Variants in LPAR1 observed in about 807,000 individuals in gnomAD.
The protein encoded by LPAR1 is lysophosphatidic acid receptor 1.
Under a neutral mutation model 23.8 loss-of-function variants are expected in LPAR1, and 5 were observed. The ratio of observed to expected loss-of-function variants is 0.21; its 90% CI spans 0.11 to 0.44. LPAR1 has a LOEUF of 0.44. LPAR1 is among the 20% of genes least tolerant of loss of function. The pLI is 0.99. For missense variants in LPAR1, 311 were observed against 482.8 expected, an observed-to-expected ratio of 0.64 and a Z score of 3.33; for synonymous variants, 160 against 164.7, an observed-to-expected ratio of 0.97 and a Z score of 0.22.
intron 5 of LPAR1, among the ~76,000 whole-genome samples, chr9:110,940,485 C>T (rs1209217157): frequency 2.0e-5 from 3 of 151,820 alleles, no homozygotes; most frequent in Non-Finnish European, 4.4e-5. Context: ...TGTTTTTTTT[C>T]AATTTCCATA....
At chr9:110,916,011 GT>G (rs5899922) in intron 5 of LPAR1, among the ~76,000 whole-genome samples, 106,438 of 151,972 alleles carry the variant, frequency 0.7, 38,154 homozygotes, top group East Asian at 0.83. Flanking sequence ...TAACCTTATG[GT>G]TAAAATGTTA....
At chr9:111,001,343 T>C (rs571534666) in intron 2 of LPAR1, among the ~76,000 whole-genome samples, 24 of 152,252 alleles carry the variant, frequency 1.6e-4, no homozygotes, top group African/African-American at 5.1e-4. Flanking sequence ...ATTAAGAGAA[T>C]AGAAGTAGAG....
intron 4 of LPAR1, among the ~76,000 whole-genome samples, chr9:110,945,662 C>T (rs1276864888): frequency 6.6e-6 from 1 of 152,080 alleles, no homozygotes; most frequent in African/African-American, 2.4e-5. Flanking sequence ...GTCAGAAGTC[C>T]AAAATAGGTC....
At chr9:111,012,898 A>G (rs2097361702) in intron 2 of LPAR1, among the ~76,000 whole-genome samples, 2 of 152,144 alleles carry the variant, frequency 1.3e-5, no homozygotes, top group African/African-American at 4.8e-5. Flanking sequence ...GACAGGACAG[A>G]CCAGCTGGAT....
intron 2 of LPAR1, among the ~76,000 whole-genome samples, chr9:110,994,185 G>A (rs983977047): frequency 2.0e-5 from 3 of 152,044 alleles, no homozygotes; most frequent in Admixed American, 6.6e-5. Context: ...CCAAAAGTTT[G>A]AAATCTGAAT....
chr9:110,892,161 AAT>A (rs2084409465), intron 5 of LPAR1, among the ~76,000 whole-genome samples: 1 of 152,250 alleles, frequency 6.6e-6, no homozygotes. Flanking sequence ...TCAACAGGTG[AAT>A]ATACAGTAGT....
intron 4 of LPAR1, among the ~76,000 whole-genome samples, chr9:110,944,027 C>G (rs2095284466): frequency 6.6e-6 from 1 of 152,134 alleles, no homozygotes; most frequent in African/African-American, 2.4e-5. Context: ...ATTAATGACT[C>G]CAAACTCTCA....
chr9:110,898,922 T>A (rs1485726438), intron 5 of LPAR1, among the ~76,000 whole-genome samples: 4 of 152,126 alleles, frequency 2.6e-5, no homozygotes, highest in Non-Finnish European at 4.4e-5. Flanking sequence ...AGAAAAAAAA[T>A]GAGATAATTC....
At position 110,972,147 on chromosome 9, in the gene LPAR1, C is replaced by G. The variant is rs201196219; in HGVS notation, c.-30G>C. 1.2e-6 allele frequency: 2 copies of G among 1,607,156 alleles called. No individual in the cohort carries two copies. The highest frequency in any genetic ancestry group is 1.7e-6 in the Non-Finnish European group (2 of 1,173,906). Reference sequence around the variant, plus strand: ...GCTCTGTGGTTGTAGGTGGTGAACACGCCCCAGAACTACGGGAGACAAATT... The same window carrying G: ...GCTCTGTGGTTGTAGGTGGTGAACAGGCCCCAGAACTACGGGAGACAAATT... On this transcript the variant is annotated 5_prime_UTR_variant, in exon 4 of 6. Coordinates refer to ENST00000683809, the MANE Select transcript of LPAR1 (RefSeq NM_001351411.2).
In LPAR1 at chr9:110,938,889, A is replaced by G. The variant is rs79148891; in HGVS notation, c.793+2532T>C. ...ACCCTGTCTCAAAGAAAAAGAAAAA[A>G]GAATGGGTATAAATATAACTAGCCA... On this transcript the variant is annotated intron_variant, in intron 5 of 5. Transcript: ENST00000683809. Among the ~76,000 whole-genome samples, 76 of 152,208 alleles carry G rather than the reference A, an allele frequency of 5.0e-4. 1 individual carries two copies. In the East Asian group the frequency reaches 0.014, roughly 29 times the overall value.
intron 5 of LPAR1, among the ~76,000 whole-genome samples, chr9:110,939,792 C>G (rs1410338419): frequency 6.6e-6 from 1 of 152,184 alleles, no homozygotes. Flanking sequence ...GCTGGCAATT[C>G]TGCAAACTAT....
chr9:110,876,843 C>A (rs1441922270), intron 5 of LPAR1, among the ~76,000 whole-genome samples: 1 of 152,130 alleles, frequency 6.6e-6, no homozygotes, highest in Non-Finnish European at 1.5e-5. Flanking sequence ...AATCACTCAT[C>A]ATTTGGATCC....
chr9:110,976,402 AG>A (rs1364214057), intron 2 of LPAR1, among the ~76,000 whole-genome samples: 3 of 151,634 alleles, frequency 2.0e-5, no homozygotes, highest in African/African-American at 4.8e-5. Flanking sequence ...GCTACTCAGG[AG>A]GCTGAGGCAG....
At chr9:110,997,817 T>C (rs1372205724) in intron 2 of LPAR1, among the ~76,000 whole-genome samples, 2 of 152,216 alleles carry the variant, frequency 1.3e-5, no homozygotes, top group Non-Finnish European at 2.9e-5. Context: ...TACTGCAGAA[T>C]ATAGTAACAC....
chr9:110,906,926 T>C (rs894784450), intron 5 of LPAR1, among the ~76,000 whole-genome samples: 4 of 141,160 alleles, frequency 2.8e-5, no homozygotes, highest in Non-Finnish European at 6.5e-5. Context: ...ATAAAAATCC[T>C]TTATTGATGC....
intron 4 of LPAR1, among the ~76,000 whole-genome samples, chr9:110,947,659 T>C (rs966918886): frequency 6.6e-6 from 1 of 152,366 alleles, no homozygotes; most frequent in Non-Finnish European, 1.5e-5. Context: ...TGGCACTGCA[T>C]TATGCCTTCT....
intron 5 of LPAR1, among the ~76,000 whole-genome samples, chr9:110,876,733 T>C (rs1278366894): frequency 6.6e-6 from 1 of 152,254 alleles, no homozygotes; most frequent in African/African-American, 2.4e-5. Flanking sequence ...TTTGTTCTCT[T>C]TCTTCCCCCA....
At chr9:110,887,721 G>A (rs2082792923) in intron 5 of LPAR1, among the ~76,000 whole-genome samples, 1 of 152,072 alleles carries the variant, frequency 6.6e-6, no homozygotes, top group South Asian at 2.1e-4. Flanking sequence ...TACAAGTGTA[G>A]AGTAAAAAAG....
intron 5 of LPAR1, among the ~76,000 whole-genome samples, chr9:110,897,860 T>C (rs2086997828): frequency 1.3e-5 from 2 of 152,110 alleles, no homozygotes; most frequent in Admixed American, 1.3e-4. Flanking sequence ...TCAAGGATCA[T>C]TGTCTCTGCA....
Sources: allele counts gnomAD v4.1 joint callset (sites outside exome capture counted in the v4.1 genomes callset), GRCh38; gene constraint gnomAD v4.1.1; transcripts MANE v1.5; gene names NCBI Gene and HGNC (gene_info 2026-07-23, HGNC 2026-07-21).